KRT86: variants seen among roughly 807,000 people sequenced by gnomAD.
KRT86 encodes the protein keratin, type II cuticular Hb6.
A neutral mutation model predicts 41.2 loss-of-function variants in KRT86; 30 were observed. The ratio of observed to expected loss-of-function variants is 0.73; its 90% CI spans 0.54 to 0.99. KRT86 has a LOEUF of 0.99. KRT86 is among the 50% of genes least tolerant of loss of function. The pLI is 0.00. For missense variants in KRT86, 561 were observed against 571.4 expected, an observed-to-expected ratio of 0.98 and a Z score of 0.19; for synonymous variants, 238 against 238.1, an observed-to-expected ratio of 1.00 and a Z score of 0.00.
chr12:52,287,698 C>A lies in KRT86; in HGVS notation c.-5+11752C>A, dbSNP rs148041985. The A allele has an allele frequency of 1.3e-5, 21 of 1,613,928 alleles. No individual in the cohort carries two copies. The African/African-American group carries it at 2.1e-4, about 16-fold the overall frequency. ...GGCGCAGGGTCTCCCCGTGCCTGAT[C>A]ACCGTGGCCTTCATCTCCTCACACT... On this transcript the variant is annotated intron_variant, in intron 2 of 10. Transcript: ENST00000423955.
intron 2 of KRT86, 80 bp downstream of exon 2, chr12:52,276,026 C>A: frequency 1.0e-6 from 1 of 985,604 alleles, no homozygotes; most frequent in Non-Finnish European, 1.2e-6. Context: ...CCCTCCCCAC[C>A]TACCCTTTGG....
chr12:52,298,424 G>A (rs539700071), intron 2 of KRT86, among the ~76,000 whole-genome samples: 6 of 152,264 alleles, frequency 3.9e-5, no homozygotes, highest in South Asian at 4.1e-4. Flanking sequence ...AAGATAAGGC[G>A]GTTAATGAAA....
chr12:52,293,345 C>G (rs867650627), intron 2 of KRT86, among the ~76,000 whole-genome samples: 10 of 152,044 alleles, frequency 6.6e-5, no homozygotes, highest in Non-Finnish European at 1.2e-4. Flanking sequence ...AATAACTTGC[C>G]CGAAGTCTCC....
intron 2 of KRT86, among the ~76,000 whole-genome samples, chr12:52,298,033 G>A (rs1938288524): frequency 6.6e-6 from 1 of 152,218 alleles, no homozygotes; most frequent in Non-Finnish European, 1.5e-5. Flanking sequence ...CTGATGGTCT[G>A]TTAAGTCCAA....
chr12:52,307,796 T>G (rs1319311020), intron 9 of KRT86, among the ~76,000 whole-genome samples: 4 of 152,212 alleles, frequency 2.6e-5, no homozygotes, highest in Non-Finnish European at 5.9e-5. Flanking sequence ...ATGACACCAA[T>G]CAGACTGGAT....
intron 2 of KRT86, among the ~76,000 whole-genome samples, chr12:52,276,422 G>A (rs1293769891): frequency 2.0e-5 from 3 of 152,088 alleles, no homozygotes; most frequent in Non-Finnish European, 2.9e-5. Context: ...CTTCACATGC[G>A]GTATAGGCTG....
chr12:52,277,581 C>T (rs1358901279), intron 2 of KRT86: 1 of 152,450 alleles, frequency 6.6e-6, no homozygotes, highest in Non-Finnish European at 1.5e-5. Context: ...GCACCAAGGG[C>T]AAGCTGGCTT....
intron 2 of KRT86, among the ~76,000 whole-genome samples, chr12:52,301,439 T>C (rs1312221736): frequency 6.6e-6 from 1 of 151,762 alleles, no homozygotes; most frequent in African/African-American, 2.4e-5. Context: ...CATCAAGGGA[T>C]TCCCCCTCCC....
At chr12:52,293,213 G>A (rs1938175523) in intron 2 of KRT86, among the ~76,000 whole-genome samples, 4 of 152,092 alleles carry the variant, frequency 2.6e-5, no homozygotes, top group South Asian at 2.1e-4. Context: ...TTTTTAATTG[G>A]TCACCTACTA....
intron 5 of KRT86, 100 bp from the exon 6 acceptor site, chr12:52,304,832 G>T: frequency 7.8e-7 from 1 of 1,290,012 alleles, no homozygotes; most frequent in South Asian, 1.2e-5. Flanking sequence ...AGACACTGGG[G>T]ACTCCTTTCC....
chr12:52,288,555 T>G, intron 2 of KRT86: 2 of 1,359,284 alleles, frequency 1.5e-6, no homozygotes, highest in South Asian at 1.2e-5. Flanking sequence ...GGGAAAGCAG[T>G]CCCTGGTGTC....
intron 2 of KRT86, chr12:52,287,483 C>G (rs1937985190): frequency 1.5e-5 from 24 of 1,601,468 alleles, no homozygotes; most frequent in Non-Finnish European, 2.0e-5. Context: ...AGGGACTCTA[C>G]ATGGACAAAG....
At chr12:52,277,491 C>A (rs565206236) in intron 2 of KRT86, 1 of 152,372 alleles carries the variant, frequency 6.6e-6, no homozygotes, top group African/African-American at 2.4e-5. Context: ...TGTCCTTGGT[C>A]TACCCTTCGC....
At position 52,308,734 on chromosome 12, in the gene KRT86, G is replaced by A. The variant is rs1030151445; in HGVS notation, c.*149G>A. The A allele has an allele frequency of 1.4e-6, 1 of 732,320 alleles. No individual in the cohort carries two copies. Among genetic ancestry groups the A allele is most frequent in the African/African-American group, 1.8e-5 (1 of 56,272 alleles). The allele number at this position is 732,320 out of a possible 1,614,324, so 45.4% of individuals were successfully genotyped here. The stretch of plus-strand genomic sequence containing the variant: ...CGCCCTCCCCACCGCTCCGCTCCGG[G>A]AGCCATCCCCGGTCGCAGGAGTCCG... On this transcript the variant is annotated 3_prime_UTR_variant, in exon 11 of 11. Coordinates refer to ENST00000423955, the MANE Select transcript of KRT86 (RefSeq NM_001320198.2).
chr12:52,307,542 G>A (rs1057176358), intron 9 of KRT86, among the ~76,000 whole-genome samples: 2 of 152,208 alleles, frequency 1.3e-5, no homozygotes, highest in Admixed American at 1.3e-4. Flanking sequence ...CTATTGGGAG[G>A]GAAATGTGGG....
At chr12:52,306,608 TGCTTCTCA>T (rs1938526565) in intron 9 of KRT86, 1 of 481,056 alleles carries the variant, frequency 2.1e-6, no homozygotes, top group Non-Finnish European at 3.8e-6. Flanking sequence ...TAGCTGCATG[TGCTTCTCA>T]GGATTCCTTC....
At chr12:52,296,822 T>C (rs1938261813) in intron 2 of KRT86, among the ~76,000 whole-genome samples, 1 of 152,232 alleles carries the variant, frequency 6.6e-6, no homozygotes, top group Non-Finnish European at 1.5e-5. Flanking sequence ...ATGAGCCAGC[T>C]GCAAGGTTAG....
Position 52,306,174 on chromosome 12 carries a change from G to A in KRT86, c.1141G>A (p.Asp381Asn). Residue 381 changes from aspartate (D) to asparagine (N), a missense_variant, in exon 9 of 11, where the codon GAC becomes AAC. Asp to Asn is a conservative substitution (Grantham distance 23). This residue lies in a region of KRT86 where 397 missense variants were observed against 375.9 expected (regional missense o/e 1.06). Coordinates refer to ENST00000423955, the MANE Select transcript of KRT86 (RefSeq NM_001320198.2). ...LEGALQKAKQ[D>N]MACLIREYQE... ...GGGTGCCCTGCAGAAGGCCAAGCAG[G>A]ACATGGCCTGCCTGATCAGGGAGTA... The A allele has an allele frequency of 1.2e-6, 2 of 1,613,862 alleles. No homozygotes were observed. Among genetic ancestry groups the A allele is most frequent in the Non-Finnish European group, 1.7e-6 (2 of 1,180,032 alleles).
Position 52,305,250 on chromosome 12 carries a change from T to C in KRT86, c.746T>C (p.Val249Ala). 1 of 1,614,198 alleles carries C rather than the reference T, an allele frequency of 6.2e-7. No individual in the cohort carries two copies. The highest frequency in any genetic ancestry group is 1.1e-5 in the South Asian group (1 of 91,086). Residue 249 changes from valine (V) to alanine (A), a missense_variant, in exon 7 of 11, where the codon GTT becomes GCT. Val to Ala is a moderately conservative substitution (Grantham distance 64, BLOSUM62 0). Coordinates refer to ENST00000423955, the MANE Select transcript of KRT86 (RefSeq NM_001320198.2). ...LRRLYEEEIR[V>A]LQSHISDTSV... ...CCTCACCTCCTGCAGGAGATCCGCG[T>C]TCTCCAGTCCCACATCTCAGACACC...
Sources: allele counts gnomAD v4.1 joint callset (sites outside exome capture counted in the v4.1 genomes callset), GRCh38; gene constraint gnomAD v4.1.1; regional missense constraint gnomAD v4.1.1; transcripts MANE v1.5; gene names NCBI Gene and HGNC (gene_info 2026-07-23, HGNC 2026-07-21).